RBFOX1: variants seen among roughly 807,000 people sequenced by gnomAD.
RBFOX1 encodes RNA binding protein fox-1 homolog 1.
In RBFOX1, 8 loss-of-function variants were observed where a neutral mutation model predicts 57.7. The observed-to-expected ratio is 0.14, with a 90% CI of 0.08 to 0.25. RBFOX1 has a LOEUF of 0.25. Ranked by LOEUF, RBFOX1 falls within the 10% of genes least tolerant of loss-of-function variation. The probability of loss-of-function intolerance (pLI) is 1.00; values close to 1 mark genes in which losing one functional copy is unlikely to be tolerated. For synonymous variants in RBFOX1, 326 were observed against 222.4 expected (o/e 1.47, Z -4.15); for missense variants, 611 against 548.5 (o/e 1.11, Z -1.14).
At chr16:5,826,739 C>A (rs2056069257) in intron 3 of RBFOX1, among the ~76,000 whole-genome samples, 1 of 152,104 alleles carries the variant, frequency 6.6e-6, no homozygotes, top group South Asian at 2.1e-4. Context: ...CATATGCTGT[C>A]CTATAAATTT....
In RBFOX1 at chr16:6,483,465, C is replaced by A. The variant is rs7187463; in HGVS notation, c.-64+166408C>A. On this transcript the variant is annotated intron_variant, in intron 2 of 15. Transcript: ENST00000550418. ...CGGACTTCTCCCGTGCTGTGTTTTC[C>A]CGGTGAGGAAACAGGAGGCACTTTG... 1,567 of 1,535,678 alleles carry A rather than the reference C, an allele frequency of 1.0e-3. 9 individuals carry two copies. The African/African-American group carries it at 0.019, about 18-fold the overall frequency.
chr16:7,095,603 T>C (rs1375238741), intron 4 of RBFOX1, among the ~76,000 whole-genome samples: 1 of 152,260 alleles, frequency 6.6e-6, no homozygotes, highest in Non-Finnish European at 1.5e-5. Context: ...GCTTTCTCTA[T>C]ACTTGGATGT....
At chr16:7,175,596 A>G (rs1389125646) in intron 4 of RBFOX1, among the ~76,000 whole-genome samples, 1 of 152,126 alleles carries the variant, frequency 6.6e-6, no homozygotes, top group Non-Finnish European at 1.5e-5. Flanking sequence ...TGCATAAGGC[A>G]CACTTTGAAA....
chr16:7,412,778 C>T (rs1387214512), intron 4 of RBFOX1, among the ~76,000 whole-genome samples: 2 of 152,204 alleles, frequency 1.3e-5, no homozygotes, highest in Non-Finnish European at 2.9e-5. Flanking sequence ...CATGGTGGCT[C>T]ACGCCTGTGA....
At chr16:5,318,231 C>T (rs552647745) in intron 1 of RBFOX1, among the ~76,000 whole-genome samples, 9 of 152,240 alleles carry the variant, frequency 5.9e-5, no homozygotes, top group South Asian at 2.1e-4. Flanking sequence ...CAGGTTCAAG[C>T]GATTCTTGTT....
intron 3 of RBFOX1, among the ~76,000 whole-genome samples, chr16:6,794,298 T>G (rs2154251054): frequency 6.6e-6 from 1 of 151,066 alleles, no homozygotes; most frequent in African/African-American, 2.4e-5. Flanking sequence ...TTTTTTTTTT[T>G]TTTACAATGA....
chr16:7,570,643 T>A (rs1418107209), intron 5 of RBFOX1, among the ~76,000 whole-genome samples: 1 of 152,196 alleles, frequency 6.6e-6, no homozygotes, highest in Non-Finnish European at 1.5e-5. Context: ...CTTCCCTGAA[T>A]GTACATTAGC....
rs71386513 is a variant in RBFOX1, at chr16:5,657,732, C to CTTTTTTTTTTTTTTTTTTTTTTT, written c.318+58775_318+58776insTTTTTTTTTTTTTTTTTTTTTTT. ...TTTCTCTCTTTCTTTTGTTTCTTTT[C>CTTTTTTTTTTTTTTTTTTTTTTT]TTTTCTTTTTTTTTTTTTGAGACAG... On this transcript the variant is annotated intron_variant, in intron 3 of 19. Coordinates refer to the RBFOX1 transcript ENST00000641259. Among the ~76,000 whole-genome samples, 4 of 98,352 alleles carry CTTTTTTTTTTTTTTTTTTTTTTT rather than the reference C, an allele frequency of 4.1e-5. 2 individuals carry two copies. The highest frequency in any genetic ancestry group is 7.5e-5 in the Non-Finnish European group (4 of 53,164). The allele number at this position is 98,352 out of a possible 152,430, so 64.5% of individuals were successfully genotyped here.
chr16:7,198,889 C>T (rs1401406734), intron 4 of RBFOX1, among the ~76,000 whole-genome samples: 1 of 152,124 alleles, frequency 6.6e-6, no homozygotes, highest in African/African-American at 2.4e-5. Flanking sequence ...TGTTGGTTCC[C>T]AGGCAATGAG....
Position 7,654,558 on chromosome 16 carries a change from C to T in RBFOX1, c.890+611C>T, listed in dbSNP as rs577035380. 5.7e-4 allele frequency among the ~76,000 whole-genome samples: 87 copies of T among 152,204 alleles called. 1 individual carries two copies. The highest frequency in any genetic ancestry group is 5.6e-4 in the Non-Finnish European group (38 of 68,020). On this transcript the variant is annotated intron_variant, in intron 12 of 15. Coordinates refer to ENST00000550418, the MANE Select transcript of RBFOX1 (RefSeq NM_018723.4). Reference sequence around the variant, plus strand: ...GGAACAATGCAGATTAGTTTGTTTCCCATTGCCAATTTGGTCCTTCTCTGC... The same window carrying T: ...GGAACAATGCAGATTAGTTTGTTTCTCATTGCCAATTTGGTCCTTCTCTGC...
At chr16:5,420,053 A>G (rs1038260842) in intron 1 of RBFOX1, among the ~76,000 whole-genome samples, 4 of 152,126 alleles carry the variant, frequency 2.6e-5, no homozygotes, top group Admixed American at 2.0e-4. Flanking sequence ...CCCTGCCCAT[A>G]TAGCCTGCAG....
chr16:5,245,358 A>T (rs1300020609), intron 1 of RBFOX1, among the ~76,000 whole-genome samples: 1 of 151,784 alleles, frequency 6.6e-6, no homozygotes, highest in Admixed American at 6.6e-5. Context: ...CCAGGGGGCA[A>T]TGTGTGCCAG....
At chr16:6,606,727 T>G (rs762146972) in intron 2 of RBFOX1, among the ~76,000 whole-genome samples, 1 of 152,214 alleles carries the variant, frequency 6.6e-6, no homozygotes, top group Non-Finnish European at 1.5e-5. Context: ...ATGTTGCATA[T>G]GTACCACGTT....
chr16:6,871,953 G>GTGTGTGTA (rs2060977794), intron 3 of RBFOX1, among the ~76,000 whole-genome samples: 1 of 148,460 alleles, frequency 6.7e-6, no homozygotes, highest in African/African-American at 2.5e-5. Flanking sequence ...GTGTGTGTGT[G>GTGTGTGTA]TGTGTGTGTT....
chr16:7,287,139 A>G (rs1044962084), intron 4 of RBFOX1, among the ~76,000 whole-genome samples: 1 of 152,226 alleles, frequency 6.6e-6, no homozygotes, highest in Non-Finnish European at 1.5e-5. Context: ...GAGTTAGCAC[A>G]GTACTTAATA....
At chr16:5,392,047 C>T (rs1199188810) in intron 1 of RBFOX1, among the ~76,000 whole-genome samples, 1 of 151,996 alleles carries the variant, frequency 6.6e-6, no homozygotes, top group Non-Finnish European at 1.5e-5. Flanking sequence ...AACCAAACAT[C>T]ATATATTCTA....
chr16:5,974,081 A>G (rs982678952), intron 4 of RBFOX1, among the ~76,000 whole-genome samples: 2 of 152,220 alleles, frequency 1.3e-5, no homozygotes, highest in Non-Finnish European at 2.9e-5. Flanking sequence ...ATGAAATGCA[A>G]TAATGAATGT....
At chr16:6,704,235 G>C (rs72636210) in intron 3 of RBFOX1, 3 of 152,248 alleles carry the variant, frequency 2.0e-5, no homozygotes, top group African/African-American at 7.2e-5. Flanking sequence ...CACGCAGCTA[G>C]TAAGTGGCAG....
chr16:6,101,280 C>G (rs1403529035), intron 1 of RBFOX1, among the ~76,000 whole-genome samples: 1 of 152,120 alleles, frequency 6.6e-6, no homozygotes, highest in East Asian at 1.9e-4. Context: ...GCCTCTGGGT[C>G]TCCATCCTTT....
Sources: allele counts gnomAD v4.1 joint callset (sites outside exome capture counted in the v4.1 genomes callset), GRCh38; gene constraint gnomAD v4.1.1; transcripts MANE v1.5; gene names NCBI Gene and HGNC (gene_info 2026-07-23, HGNC 2026-07-21).